The following IL20RA variants were observed in gnomAD, a reference collection of about 807,000 sequenced individuals.
IL20RA encodes the protein interleukin 20 receptor subunit alpha, also known as interleukin-20 receptor subunit alpha.
A neutral mutation model predicts 36.5 loss-of-function variants in IL20RA; 29 were observed. The ratio of observed to expected loss-of-function variants is 0.79; its 90% confidence interval spans 0.59 to 1.08. The LOEUF is 1.08. Among genes scored for constraint, IL20RA ranks in the 50% least tolerant of loss-of-function variants. The pLI, the probability that IL20RA is intolerant of heterozygous loss-of-function variation, is 0.00. For missense variants in IL20RA, 652 were observed against 668.4 expected, an observed-to-expected ratio of 0.98 and a Z score of 0.27; for synonymous variants, 279 against 267.1, an observed-to-expected ratio of 1.04 and a Z score of -0.43.
chr6:137,026,560 T>C (rs886814795), intron 1 of IL20RA, among the ~76,000 whole-genome samples: 2 of 152,210 alleles, frequency 1.3e-5, no homozygotes, highest in Admixed American at 1.3e-4. Flanking sequence ...AATACCTTCA[T>C]AGGCTTGTAG....
chr6:137,033,398 A>G (rs1365263290), intron 1 of IL20RA, among the ~76,000 whole-genome samples: 7 of 152,148 alleles, frequency 4.6e-5, no homozygotes, highest in East Asian at 1.9e-4. Context: ...AAAATTCCCA[A>G]TGTAAGAGGT....
At chr6:137,009,594 CTTTTTTTTTTTTTTTT>C (rs3041892) in intron 3 of IL20RA, 102 bp from the exon 4 acceptor site, 10 of 388,072 alleles carry the variant, frequency 2.6e-5, no homozygotes, top group Admixed American at 5.2e-5. Context: ...AAAAGACATC[CTTTTTTTTTTTTTTTT>C]TTTTTTTTTT....
intron 2 of IL20RA, among the ~76,000 whole-genome samples, chr6:137,013,614 C>T (rs181354134): frequency 2.0e-4 from 30 of 152,274 alleles, no homozygotes; most frequent in South Asian, 1.5e-3. Flanking sequence ...TCTTCCCTGA[C>T]GCCAAAACTT....
At position 137,002,085 on chromosome 6, in the gene IL20RA, C is replaced by T. The variant is rs992596774; in HGVS notation, c.1135G>A (p.Gly379Ser). 1.2e-6 allele frequency: 2 copies of T among 1,613,992 alleles called. No homozygotes were observed. Among genetic ancestry groups the T allele is most frequent in the Non-Finnish European group, 8.5e-7 (1 of 1,180,028 alleles). ...IFCDSEENTEGTSLTQQESLS... is the reference protein window; with the variant it reads ...IFCDSEENTESTSLTQQESLS... ...GACTCTTGCTGGGTGAGAGAAGTACCTTCCGTGTTTTCTTCAGAGTCACAA... is the reference window on the plus strand; with the variant it reads ...GACTCTTGCTGGGTGAGAGAAGTACTTTCCGTGTTTTCTTCAGAGTCACAA... The change falls in exon 7 of 7, where the codon GGT (glycine) becomes AGT (serine). Residue 379 changes from glycine (G) to serine (S), a missense_variant. Gly to Ser is a moderately conservative substitution (Grantham distance 56). Transcript: ENST00000316649.
chr6:137,012,056 A>T (rs1750901935), intron 2 of IL20RA, among the ~76,000 whole-genome samples: 1 of 152,084 alleles, frequency 6.6e-6, no homozygotes, highest in Non-Finnish European at 1.5e-5. Flanking sequence ...GCAAATAGGG[A>T]GGTGGCAATA....
At chr6:137,043,391 G>A (rs757065691) in intron 1 of IL20RA, among the ~76,000 whole-genome samples, 1 of 152,170 alleles carries the variant, frequency 6.6e-6, no homozygotes, top group Non-Finnish European at 1.5e-5. Context: ...ACAGGTGTGA[G>A]CCACAGCGCC....
chr6:137,024,658 C>T (rs1447354082), intron 1 of IL20RA, among the ~76,000 whole-genome samples: 2 of 152,220 alleles, frequency 1.3e-5, no homozygotes, highest in Non-Finnish European at 2.9e-5. Context: ...ATACTTGAAC[C>T]TACCCTGTTT....
At chr6:137,025,622 A>C (rs906462315) in intron 1 of IL20RA, among the ~76,000 whole-genome samples, 1 of 152,202 alleles carries the variant, frequency 6.6e-6, no homozygotes, top group African/African-American at 2.4e-5. Context: ...TGGATTAATA[A>C]GATAGATCTA....
intron 1 of IL20RA, chr6:137,037,918 T>A (rs958987455): frequency 6.6e-6 from 1 of 152,238 alleles, no homozygotes; most frequent in Non-Finnish European, 1.5e-5. Context: ...CAGCTCATTT[T>A]ATCAAAGAAC....
chr6:137,004,996 A>G (rs928698585), intron 5 of IL20RA, among the ~76,000 whole-genome samples: 3 of 152,222 alleles, frequency 2.0e-5, no homozygotes, highest in African/African-American at 7.2e-5. Flanking sequence ...GTGTACCTCA[A>G]ATGTTTACAC....
chr6:137,001,498 G>T lies in IL20RA; in HGVS notation c.*60C>A. On this transcript the variant is annotated 3_prime_UTR_variant, in exon 7 of 7. Coordinates refer to ENST00000316649, the MANE Select transcript of IL20RA (RefSeq NM_014432.4). ...TTCATCCCAGGTACTTTATGGCTGG[G>T]ATCAAAGGGGTGACTCACTTGTTTG... 1 of 1,446,912 alleles carries T rather than the reference G, an allele frequency of 6.9e-7. No individual in the cohort carries two copies. Among genetic ancestry groups the T allele is most frequent in the South Asian group, 1.4e-5 (1 of 69,646 alleles). 89.6% of individuals were successfully genotyped at this position (1,446,912 alleles called of 1,614,324 possible).
intron 1 of IL20RA, among the ~76,000 whole-genome samples, chr6:137,034,893 C>T (rs1026410321): frequency 4.7e-5 from 7 of 150,348 alleles, no homozygotes; most frequent in East Asian, 3.9e-4. Flanking sequence ...TGCAGTGAGC[C>T]GAGATTGTGC....
At chr6:137,020,006 A>G (rs1345392799) in intron 1 of IL20RA, among the ~76,000 whole-genome samples, 2 of 152,204 alleles carry the variant, frequency 1.3e-5, no homozygotes, top group South Asian at 2.1e-4. Context: ...TGTGTGTCCA[A>G]TAAAATATGA....
intron 1 of IL20RA, chr6:137,038,212 T>A (rs1257377563): frequency 2.7e-5 from 3 of 110,724 alleles, no homozygotes; most frequent in Non-Finnish European, 5.8e-5. Context: ...CTCCTTTTTT[T>A]TTTTTTTTTT....
At chr6:137,007,144 C>T (rs1775308969) in intron 5 of IL20RA, among the ~76,000 whole-genome samples, 1 of 152,194 alleles carries the variant, frequency 6.6e-6, no homozygotes, top group Non-Finnish European at 1.5e-5. Context: ...AATTCATTCC[C>T]ACCAGCTGGC....
chr6:137,021,941 G>A (rs1426374535), intron 1 of IL20RA, among the ~76,000 whole-genome samples: 1 of 152,064 alleles, frequency 6.6e-6, no homozygotes, highest in Non-Finnish European at 1.5e-5. Flanking sequence ...TTATACAGAT[G>A]AGGAAACTGA....
intron 6 of IL20RA, 68 bp from the exon 7 acceptor site, chr6:137,002,423 T>C (rs1775112391): frequency 1.1e-5 from 11 of 998,228 alleles, no homozygotes; most frequent in Non-Finnish European, 1.6e-5. Context: ...AGCTGTTAGG[T>C]AGAATATCTT....
At chr6:137,004,159 C>CGTGTTTTTTTTTTTTTTTT in intron 6 of IL20RA, among the ~76,000 whole-genome samples, 1 of 88,006 alleles carries the variant, frequency 1.1e-5, no homozygotes, top group African/African-American at 5.5e-5. Context: ...ATCCAGAAAG[C>CGTGTTTTTTTTTTTTTTTT]TTTTTTTTTT....
intron 1 of IL20RA, 38 bp downstream of exon 1, chr6:137,044,603 G>A (rs2115437262): frequency 8.2e-7 from 1 of 1,218,628 alleles, no homozygotes; most frequent in Non-Finnish European, 1.0e-6. Flanking sequence ...CGGCCTGGAG[G>A]CATCCCCGAC....
Sources: allele counts gnomAD v4.1 joint callset (sites outside exome capture counted in the v4.1 genomes callset), GRCh38; gene constraint gnomAD v4.1.1; transcripts MANE v1.5; gene names NCBI Gene and HGNC (gene_info 2026-07-23, HGNC 2026-07-21).